The following TTN variants were observed in gnomAD, a reference collection of about 807,000 sequenced individuals.
TTN encodes the protein titin.
In TTN, 1,525 loss-of-function variants were observed where a neutral mutation model predicts 3,223.0. The observed-to-expected ratio is 0.47, with a 90% confidence interval of 0.45 to 0.49. The LOEUF (loss-of-function observed/expected upper bound fraction) is 0.49, where lower values mean the gene tolerates loss of function less well. Ranked by LOEUF, TTN falls within the 20% of genes least tolerant of loss-of-function variation. The probability of loss-of-function intolerance (pLI) is 0.00; values close to 1 mark genes in which losing one functional copy is unlikely to be tolerated. For missense variants in TTN, 40,786 were observed against 43,424.0 expected (o/e 0.94, Z 5.40); for synonymous variants, 14,094 against 15,161.0 (o/e 0.93, Z 5.17).
chr2:178,716,712 A>G (rs2077538194), intron 88 of TTN, among the ~76,000 whole-genome samples: 1 of 152,154 alleles, frequency 6.6e-6, no homozygotes, highest in Non-Finnish European at 1.5e-5. Flanking sequence ...GCTCTTTGCT[A>G]TGCCTTAGAG....
Position 178,790,135 on chromosome 2 carries a change from T to A in TTN, c.1801-20A>T. 1.2e-6 allele frequency: 2 copies of A among 1,608,368 alleles called. No homozygotes were observed. Among genetic ancestry groups the A allele is most frequent in the Non-Finnish European group, 1.7e-6 (2 of 1,177,260 alleles). On this transcript the variant is annotated intron_variant, in intron 11 of 362. Coordinates refer to ENST00000589042, the MANE Select transcript of TTN (RefSeq NM_001267550.2). ...CATTATCTGATCATACAAAAGAAAGTAAGAAAATAGTCATTAAATTCCATA... is the reference window on the plus strand; with the variant it reads ...CATTATCTGATCATACAAAAGAAAGAAAGAAAATAGTCATTAAATTCCATA...
At chr2:178,752,785 G>A (rs181956550) in intron 47 of TTN, among the ~76,000 whole-genome samples, 71 of 152,112 alleles carry the variant, frequency 4.7e-4, no homozygotes, top group Admixed American at 8.5e-4. Context: ...GTAATTCACC[G>A]TGATTTTGAA....
In TTN at chr2:178,542,315, C is replaced by T. The variant is rs111616037; in HGVS notation, c.97441G>A (p.Gly32481Arg). 45 of 1,612,504 alleles carry T rather than the reference C, an allele frequency of 2.8e-5. No individual in the cohort carries two copies. Among genetic ancestry groups the T allele is most frequent in the South Asian group, 1.2e-4 (11 of 90,862 alleles). ...VFRVAATNRF[G>R]IGSYLQSEVI... is the part of the protein sequence containing the mutation. ...TCAGACTGCAAGTAAGAGCCAATCCCGAAGCGGTTTGTTGCAGCCACACGG... is the reference window on the plus strand; with the variant it reads ...TCAGACTGCAAGTAAGAGCCAATCCTGAAGCGGTTTGTTGCAGCCACACGG... The change falls in exon 349 of 363, where the codon GGG becomes AGG. Residue 32481 changes from glycine (G) to arginine (R), a missense_variant. Transcript: ENST00000589042.
chr2:178,547,948 A>G lies in TTN; in HGVS notation c.93678T>C (p.Thr31226=), dbSNP rs1697887287. The G allele has an allele frequency of 1.2e-6, 2 of 1,613,512 alleles. No homozygotes were observed. The highest frequency in any genetic ancestry group is 8.5e-7 in the Non-Finnish European group (1 of 1,179,734). ...DLTGITNQLI[T]CKAGSPFTID... is the part of the protein sequence containing the mutation. ...TGGTAAATGGGCTTCCTGCTTTGCA[A>G]GTTATAAGCTGATTGGTAATTCCAG... Residue 31226 remains threonine (T), a synonymous_variant, in exon 339 of 363, where the codon ACT becomes ACC. Transcript: ENST00000589042.
In TTN at chr2:178,768,917, G is replaced by C. The variant is rs4894045; in HGVS notation, c.8919C>G (p.Ser2973=). The C allele has an allele frequency of 0.04, 64,543 of 1,613,666 alleles. 3,048 individuals carry two copies. The highest frequency in any genetic ancestry group is 0.17 in the Admixed American group (10,221 of 59,978). ...CTTCAGCGTTGATGTCTTTCAGCAT[G>C]GAAGTAATCATGATTGCTGCAAAGG... ...TLTVTPIMIT[S]MLKDINAEEK... is the part of the protein sequence containing the mutation. Residue 2973 remains serine, a synonymous_variant, in exon 38 of 363, where the codon TCC becomes TCG. Transcript: ENST00000589042.
At chr2:178,747,183 A>ATC (rs771760115) in intron 47 of TTN, 1 of 1,609,010 alleles carries the variant, frequency 6.2e-7, no homozygotes, top group South Asian at 1.1e-5. Context: ...GGTGTGGAGT[A>ATC]TCTCTCTAGA....
rs746184552 is a variant in TTN, at chr2:178,740,875, G to A, written c.12358C>T (p.Gln4120Ter). Residue 4120 changes from glutamine (Q) to a stop codon, truncating the protein, a stop_gained, in exon 48 of 363, where the codon CAA becomes TAA. Transcript: ENST00000589042. LOFTEE classifies it high-confidence loss of function. The stretch of plus-strand genomic sequence containing the variant: ...GTGCTTTCAGGAGTGAGCTTGTCTT[G>A]CTCCAAAATGGATTGCAATTCCTGA... ...GAQELQSILE[Q>*]DKLTPESTRE... The A allele has an allele frequency of 1.2e-6, 2 of 1,613,866 alleles. No individual in the cohort carries two copies. The highest frequency in any genetic ancestry group is 2.2e-5 in the South Asian group (2 of 91,078).
rs1706256677 is a variant in TTN at position 178,567,253 on chromosome 2, T to A, written c.78879A>T (p.Pro26293=). Residue 26293 remains proline (P), a synonymous_variant, in exon 326 of 363, where the codon CCA becomes CCT. Transcript: ENST00000589042. ...VLDRPGPPEG[P]VQVTGVTSEK... is the part of the protein sequence containing the mutation. The stretch of plus-strand genomic sequence containing the variant: ...CAGAAGTGACTCCAGTAACCTGGAC[T>A]GGCCCTTCTGGAGGTCCTGGTCTAT... The A allele has an allele frequency of 6.2e-7, 1 of 1,606,774 alleles. No homozygotes were observed. The highest frequency in any genetic ancestry group is 8.5e-7 in the Non-Finnish European group (1 of 1,176,508).
intron 236 of TTN, 31 bp from the exon 237 acceptor site, chr2:178,631,331 A>G (rs1223973964): frequency 6.3e-7 from 1 of 1,575,192 alleles, no homozygotes; most frequent in Non-Finnish European, 8.6e-7. Flanking sequence ...AAAAGCTTTT[A>G]TTAATCACCT....
chr2:178,781,057 C>T (rs1473262962), intron 21 of TTN, 64 bp downstream of exon 21: 1 of 1,608,932 alleles, frequency 6.2e-7, no homozygotes, highest in Non-Finnish European at 8.5e-7. Context: ...AGCAAACGGA[C>T]AGCACTGCTA....
At chr2:178,625,193 T>C (rs932454195) in intron 241 of TTN, 80 bp downstream of exon 241, 70 of 1,494,864 alleles carry the variant, frequency 4.7e-5, no homozygotes, top group Middle Eastern at 1.7e-4. Flanking sequence ...ATAGTACTCA[T>C]CATATAAAGA....
rs772284158 is a variant in TTN at position 178,591,873 on chromosome 2, C to T, written c.59946G>A (p.Lys19982=). The T allele has an allele frequency of 3.7e-6, 6 of 1,611,366 alleles. No homozygotes were observed. In the African/African-American group the frequency reaches 8.0e-5, roughly 22 times the overall value. Residue 19982 remains lysine, a synonymous_variant, in exon 303 of 363, where the codon AAG becomes AAA. Coordinates refer to ENST00000589042, the MANE Select transcript of TTN (RefSeq NM_001267550.2). The part of the protein sequence containing the change: ...LDPLHPPGPP[K]DLHHVDVDKT... ...TGTCAACATCTACATGGTGCAGGTC[C>T]TTGGGTGGCCCTGGGGGATCTTTTC...
Position 178,650,205 on chromosome 2 carries a change from G to A in TTN, c.39776C>T (p.Pro13259Leu). ...CTCTGGTTCCTCCTCTTCTGCAACAGGAACTGGCTTTTCCTCTTCAGGAGC... is the reference window on the plus strand; with the variant it reads ...CTCTGGTTCCTCCTCTTCTGCAACAAGAACTGGCTTTTCCTCTTCAGGAGC... ...EIAPEEEKPV[P>L]VAEEEEPEVP... The change falls in exon 210 of 363, where the codon CCT becomes CTT. Residue 13259 changes from proline (P) to leucine (L), a missense_variant. Physicochemically the swap from Pro to Leu is moderately conservative, Grantham distance 98. Coordinates refer to ENST00000589042, the MANE Select transcript of TTN (RefSeq NM_001267550.2). The A allele has an allele frequency of 1.3e-6, 2 of 1,597,572 alleles. No homozygotes were observed. The highest frequency in any genetic ancestry group is 1.7e-6 in the Non-Finnish European group (2 of 1,171,096).
At chr2:178,670,590 TCA>T (rs1277318999) in intron 156 of TTN, among the ~76,000 whole-genome samples, 1 of 152,008 alleles carries the variant, frequency 6.6e-6, no homozygotes, top group Non-Finnish European at 1.5e-5. Context: ...TACCTTCTCT[TCA>T]GTGATAACTT....
In TTN at chr2:178,597,520, C is replaced by A. The variant is rs1188782659; in HGVS notation, c.57544+18G>T. On this transcript the variant is annotated intron_variant, in intron 294 of 362. Transcript: ENST00000589042. ...ATGTTGGTTTAAAAAGTTGCACAGA[C>A]AAATTGAAAGTATTTACCTAATACA... is the stretch of plus-strand genomic sequence containing the variant. 3 of 1,601,856 alleles carry A rather than the reference C, an allele frequency of 1.9e-6. No homozygotes were observed. The highest frequency in any genetic ancestry group is 2.3e-5 in the South Asian group (2 of 88,822).
rs1348114111 is a variant in TTN, at chr2:178,561,445, T to C, written c.84687A>G (p.Val28229=). 1 of 1,613,720 alleles carries C rather than the reference T, an allele frequency of 6.2e-7. No individual in the cohort carries two copies. The highest frequency in any genetic ancestry group is 8.5e-7 in the Non-Finnish European group (1 of 1,179,796). Residue 28229 remains valine, a synonymous_variant, in exon 326 of 363, where the codon GTA becomes GTG. Coordinates refer to ENST00000589042, the MANE Select transcript of TTN (RefSeq NM_001267550.2). ...CAATTCCAGCAATATTTTCAGCATA[T>C]ACACGATACTCATACATCAGTCCTT... ...LDEGLMYEYR[V]YAENIAGIGK...
At chr2:178,749,004 A>G (rs1054775828) in intron 47 of TTN, 1 of 1,612,246 alleles carries the variant, frequency 6.2e-7, no homozygotes, top group Non-Finnish European at 8.5e-7. Flanking sequence ...TCTACATGTA[A>G]TTTTTCAAAT....
chr2:178,719,613 C>T lies in TTN; in HGVS notation c.23879G>A (p.Ser7960Asn), dbSNP rs369302142. The change falls in exon 82 of 363, where the codon AGC becomes AAC. Residue 7960 changes from serine to asparagine, a missense_variant. Ser to Asn is a conservative substitution (Grantham distance 46). Coordinates refer to ENST00000589042, the MANE Select transcript of TTN (RefSeq NM_001267550.2). ...GCCAACACTGTTTTTCACTTCAAAG[C>T]TATATAATCCTTTGTCACTCATTTC... ...CAEMSDKGLYSFEVKNSVGKS... is the reference protein window; with the variant it reads ...CAEMSDKGLYNFEVKNSVGKS... The T allele has an allele frequency of 1.7e-5, 28 of 1,613,276 alleles. No individual in the cohort carries two copies. Among genetic ancestry groups the T allele is most frequent in the Admixed American group, 1.0e-4 (6 of 59,978 alleles).
rs376683928 is a variant in TTN, at chr2:178,562,815, A to C, written c.83317T>G (p.Leu27773Val). 2 of 1,613,124 alleles carry C rather than the reference A, an allele frequency of 1.2e-6. No individual in the cohort carries two copies. The highest frequency in any genetic ancestry group is 1.7e-6 in the Non-Finnish European group (2 of 1,179,544). Residue 27773 changes from leucine (L) to valine (V), a missense_variant, in exon 326 of 363, where the codon TTG becomes GTG. By Grantham distance (32) the Leu-to-Val change is conservative. Coordinates refer to ENST00000589042, the MANE Select transcript of TTN (RefSeq NM_001267550.2). ...TCTTTCTTCACTTCTCTTATGGTCA[A>C]ATTCACAGGGGCACTTGGTGAGTCA... Reference protein sequence around the residue: ...VLDSPSAPVNLTIREVKKDSV... With the variant: ...VLDSPSAPVNVTIREVKKDSV...
Sources: gnomAD v4.1 joint callset for allele counts (sites outside exome capture counted in the v4.1 genomes callset) on GRCh38, gnomAD v4.1.1 for gene constraint, MANE v1.5 for transcripts, NCBI Gene and HGNC (gene_info 2026-07-23, HGNC 2026-07-21) for gene names.